HDAC9: variants seen among roughly 807,000 people sequenced by gnomAD.
HDAC9 encodes the protein histone deacetylase 9, also known as MEF-2 interacting transcription repressor (MITR) protein.
A neutral mutation model predicts 139.4 loss-of-function variants in HDAC9; 41 were observed. That is an observed-to-expected ratio of 0.29 (90% CI 0.23 to 0.38). The LOEUF is 0.38. HDAC9 is among the 10% of genes least tolerant of loss of function. HDAC9 has a pLI of 1.00. For synonymous variants in HDAC9, 517 were observed against 476.2 expected (o/e 1.09, Z -1.12); for missense variants, 1,147 against 1,297.0 (o/e 0.88, Z 1.78).
intron 1 of HDAC9, among the ~76,000 whole-genome samples, chr7:18,099,105 C>A (rs1038270295): frequency 6.6e-6 from 1 of 151,996 alleles, no homozygotes; most frequent in Admixed American, 6.6e-5. Flanking sequence ...TTAAAAGTTA[C>A]CTACATTAAA....
intron 12 of HDAC9, among the ~76,000 whole-genome samples, chr7:18,684,977 T>A (rs1782162279): frequency 6.6e-6 from 1 of 152,024 alleles, no homozygotes; most frequent in Admixed American, 6.6e-5. Flanking sequence ...TATTCAGTTT[T>A]ATGTGGTTTT....
chr7:18,354,561 G>A (rs1465396672), intron 1 of HDAC9, among the ~76,000 whole-genome samples: 1 of 152,132 alleles, frequency 6.6e-6, no homozygotes, highest in Non-Finnish European at 1.5e-5. Flanking sequence ...TTCTCTACTG[G>A]TTTTGATTCA....
intron 2 of HDAC9, chr7:18,517,687 G>A (rs1803686048): frequency 6.6e-6 from 1 of 152,178 alleles, no homozygotes; most frequent in Admixed American, 6.6e-5. Context: ...AAGAGTACAA[G>A]TTAAGACAGG....
upstream of HDAC9, among the ~76,000 whole-genome samples, chr7:18,288,972 A>G (rs1357927654): frequency 6.6e-6 from 1 of 152,162 alleles, no homozygotes; most frequent in Non-Finnish European, 1.5e-5. Flanking sequence ...AATGAAGCAA[A>G]GTTCTCTCCC....
intron 1 of HDAC9, among the ~76,000 whole-genome samples, chr7:18,450,432 A>G (rs1792709764): frequency 6.6e-6 from 1 of 152,190 alleles, no homozygotes; most frequent in Non-Finnish European, 1.5e-5. Flanking sequence ...GTGTCTCCAA[A>G]AAGGCTTTAT....
At chr7:18,805,117 G>A (rs1175283731) in intron 17 of HDAC9, among the ~76,000 whole-genome samples, 1 of 152,174 alleles carries the variant, frequency 6.6e-6, no homozygotes, top group African/African-American at 2.4e-5. Flanking sequence ...TTCTTAAAAG[G>A]AATTTAAGTA....
At chr7:18,664,392 T>C (rs925850173) in intron 11 of HDAC9, among the ~76,000 whole-genome samples, 3 of 152,180 alleles carry the variant, frequency 2.0e-5, no homozygotes, top group African/African-American at 7.2e-5. Flanking sequence ...ACTTTGGTGA[T>C]ATTTAGGTCT....
chr7:18,455,206 A>G (rs1032083769), intron 1 of HDAC9, among the ~76,000 whole-genome samples: 14 of 152,168 alleles, frequency 9.2e-5, no homozygotes, highest in African/African-American at 2.9e-4. Context: ...TAGCTTGTAT[A>G]TAGTCATGTA....
chr7:18,624,207 A>G (rs527410515), intron 6 of HDAC9, among the ~76,000 whole-genome samples: 1 of 152,234 alleles, frequency 6.6e-6, no homozygotes. Flanking sequence ...TTTTATTCTC[A>G]TACCTGCCAC....
At chr7:18,978,199 T>C (rs996703037) in intron 25 of HDAC9, among the ~76,000 whole-genome samples, 9 of 152,170 alleles carry the variant, frequency 5.9e-5, no homozygotes, top group African/African-American at 2.2e-4. Context: ...ATTCCTTTTA[T>C]AGGAAATTCT....
intron 1 of HDAC9, among the ~76,000 whole-genome samples, chr7:18,440,834 GC>G (rs1427588632): frequency 6.6e-6 from 1 of 152,132 alleles, no homozygotes; most frequent in Non-Finnish European, 1.5e-5. Flanking sequence ...CTTTCTTAGT[GC>G]AGCCTCATAT....
intron 1 of HDAC9, among the ~76,000 whole-genome samples, chr7:18,422,130 G>A (rs1789676748): frequency 6.6e-6 from 1 of 152,144 alleles, no homozygotes; most frequent in Admixed American, 6.5e-5. Context: ...TAATGCCTTG[G>A]TTCTAGTTTA....
chr7:18,463,604 T>C (rs1476311759), intron 1 of HDAC9, among the ~76,000 whole-genome samples: 1 of 151,946 alleles, frequency 6.6e-6, no homozygotes, highest in Non-Finnish European at 1.5e-5. Flanking sequence ...ATATTTTTTC[T>C]ATTTAAATAA....
intron 1 of HDAC9, among the ~76,000 whole-genome samples, chr7:18,400,234 ATTTAGTTTAG>A (rs1235478520): frequency 1.3e-5 from 2 of 152,206 alleles, no homozygotes; most frequent in Non-Finnish European, 2.9e-5. Context: ...GTTTTCCCTT[ATTTAGTTTAG>A]TTTAATAAAG....
At chr7:18,446,631 G>A (rs1225027902) in intron 1 of HDAC9, among the ~76,000 whole-genome samples, 1 of 152,050 alleles carries the variant, frequency 6.6e-6, no homozygotes, top group Non-Finnish European at 1.5e-5. Context: ...CTCAGCAAAA[G>A]CACTGTTGAT....
intron 16 of HDAC9, among the ~76,000 whole-genome samples, chr7:18,768,149 A>G (rs533558419): frequency 6.6e-6 from 1 of 152,298 alleles, no homozygotes; most frequent in Non-Finnish European, 1.5e-5. Flanking sequence ...GCCGACAAAC[A>G]AGTTCCAAAA....
At position 18,874,680 on chromosome 7, in the gene HDAC9, T is replaced by A. The variant is rs963216316; in HGVS notation, c.2803+84T>A. On this transcript the variant is annotated intron_variant, in intron 22 of 25. Transcript: ENST00000686413. ...TTTATGATAGACACCACCTTTTACATGTGTCCAGTAAACTTGGGTGAGACA... is the reference window on the plus strand; with the variant it reads ...TTTATGATAGACACCACCTTTTACAAGTGTCCAGTAAACTTGGGTGAGACA... The A allele has an allele frequency of 9.9e-5, 75 of 759,670 alleles. No individual in the cohort carries two copies. The African/African-American group carries it at 1.2e-3, about 12-fold the overall frequency. The allele number at this position is 759,670 out of a possible 1,614,324, so 47.1% of individuals were successfully genotyped here. A position where few individuals can be genotyped will look rare whatever the true frequency, so the allele number is the denominator to read the frequency against.
At chr7:18,981,715 A>T (rs1784962822) in intron 25 of HDAC9, among the ~76,000 whole-genome samples, 1 of 152,158 alleles carries the variant, frequency 6.6e-6, no homozygotes, top group Admixed American at 6.5e-5. Context: ...ATATAATTAG[A>T]TTAGACTCAC....
chr7:18,569,180 C>A (rs540315395), intron 2 of HDAC9, among the ~76,000 whole-genome samples: 1 of 152,274 alleles, frequency 6.6e-6, no homozygotes, highest in South Asian at 2.1e-4. Flanking sequence ...CTGTGGCATT[C>A]AATTCTGACT....
Sources: allele counts gnomAD v4.1 joint callset (sites outside exome capture counted in the v4.1 genomes callset), GRCh38; gene constraint gnomAD v4.1.1; transcripts MANE v1.5; gene names NCBI Gene and HGNC (gene_info 2026-07-23, HGNC 2026-07-21).